Variants in RYR3 observed in about 807,000 individuals in gnomAD.
RYR3 encodes ryanodine receptor 3, also known as brain ryanodine receptor-calcium release channel.
A neutral mutation model predicts 584.3 loss-of-function variants in RYR3; 207 were observed. That is an observed-to-expected ratio of 0.35 (90% CI 0.32 to 0.40). The LOEUF (loss-of-function observed/expected upper bound fraction) is 0.40, where lower values mean the gene tolerates loss of function less well. Ranked by LOEUF, RYR3 falls within the 10% of genes least tolerant of loss-of-function variation. The pLI, the probability that RYR3 is intolerant of heterozygous loss-of-function variation, is 1.00. For synonymous variants in RYR3, 2,416 were observed against 2,248.5 expected (o/e 1.07, Z -2.11); for missense variants, 5,616 against 6,089.2 (o/e 0.92, Z 2.59).
intron 69 of RYR3, among the ~76,000 whole-genome samples, chr15:33,804,836 G>A (rs2076097777): frequency 1.3e-5 from 2 of 152,202 alleles, no homozygotes; most frequent in Admixed American, 1.3e-4. Context: ...TTCTGGTGTT[G>A]TAAAAATGAA....
intron 60 of RYR3, among the ~76,000 whole-genome samples, chr15:33,763,905 A>AAAAAAAAAAAAAAAC: frequency 7.5e-6 from 1 of 132,618 alleles, no homozygotes; most frequent in African/African-American, 3.1e-5. Context: ...AAAAAAAAAA[A>AAAAAAAAAAAAAAAC]AAAAAAAAAA....
At chr15:33,692,523 A>G (rs1292429694) in intron 38 of RYR3, among the ~76,000 whole-genome samples, 1 of 151,866 alleles carries the variant, frequency 6.6e-6, no homozygotes, top group Non-Finnish European at 1.5e-5. Flanking sequence ...TCCAGTACAT[A>G]TGGCTTTAAA....
chr15:33,358,269 T>G (rs1974261176), intron 1 of RYR3, among the ~76,000 whole-genome samples: 1 of 152,170 alleles, frequency 6.6e-6, no homozygotes, highest in Non-Finnish European at 1.5e-5. Context: ...CTTAGTGGGG[T>G]GCAGGGTCTG....
At chr15:33,854,244 C>A in intron 96 of RYR3, 145 bp from the exon 97 acceptor site, 1 of 650,854 alleles carries the variant, frequency 1.5e-6, no homozygotes, top group Non-Finnish European at 2.7e-6. Flanking sequence ...TCTCTTGTCT[C>A]ATGGGGAGCA....
At chr15:33,592,567 T>G (rs1376260125) in intron 16 of RYR3, among the ~76,000 whole-genome samples, 1 of 152,198 alleles carries the variant, frequency 6.6e-6, no homozygotes, top group African/African-American at 2.4e-5. Context: ...TTTAGTCCCC[T>G]ATACCTGCAA....
At chr15:33,758,220 C>T (rs754485674) in intron 60 of RYR3, among the ~76,000 whole-genome samples, 5 of 152,278 alleles carry the variant, frequency 3.3e-5, no homozygotes, top group Admixed American at 1.3e-4. Flanking sequence ...GGTGGCCGTT[C>T]GGGCAGACAC....
chr15:33,714,066 C>T (rs2067314850), intron 43 of RYR3, among the ~76,000 whole-genome samples: 1 of 151,966 alleles, frequency 6.6e-6, no homozygotes, highest in South Asian at 2.1e-4. Flanking sequence ...AATACCTTGC[C>T]CAGAGTCTCA....
At chr15:33,748,830 C>T (rs2071001822) in intron 55 of RYR3, among the ~76,000 whole-genome samples, 2 of 152,208 alleles carry the variant, frequency 1.3e-5, no homozygotes, top group African/African-American at 4.8e-5. Flanking sequence ...CCTAGGACTT[C>T]CCACAGATAC....
At chr15:33,809,603 C>T (rs1414149838) in intron 70 of RYR3, among the ~76,000 whole-genome samples, 4 of 125,436 alleles carry the variant, frequency 3.2e-5, no homozygotes, top group Non-Finnish European at 5.0e-5. Flanking sequence ...GCATTGGATT[C>T]CTCTCTCTCT....
Position 33,820,809 on chromosome 15 carries a change from C to T in RYR3, c.10812C>T (p.Phe3604=), listed in dbSNP as rs2288613. 777,158 of 1,579,428 alleles carry T rather than the reference C, an allele frequency of 0.49. 194,487 individuals are homozygous for T. The highest frequency in any genetic ancestry group is 0.52 in the Non-Finnish European group (606,348 of 1,162,540). ...AAGATGAAGACAAGGAAAAAACATT[C>T]GAAGTAAGTTCTCATGAAGAATAAA... The part of the protein sequence containing the change: ...EEEDEDKEKT[F]EEKEMEKQKT... The change falls in exon 78 of 104, where the codon TTC becomes TTT. Residue 3604 remains phenylalanine, a synonymous_variant. Coordinates refer to ENST00000634891, the MANE Select transcript of RYR3 (RefSeq NM_001036.6).
intron 1 of RYR3, among the ~76,000 whole-genome samples, chr15:33,378,274 T>C (rs1480942962): frequency 6.6e-6 from 1 of 152,168 alleles, no homozygotes; most frequent in Non-Finnish European, 1.5e-5. Context: ...CCACAGATCT[T>C]GGGGACTCTT....
At chr15:33,864,425 G>A (rs1250236664) in intron 103 of RYR3, among the ~76,000 whole-genome samples, 1 of 151,190 alleles carries the variant, frequency 6.6e-6, no homozygotes. Flanking sequence ...AGAGCTGGAG[G>A]TGGGGAGAAC....
intron 88 of RYR3, among the ~76,000 whole-genome samples, chr15:33,837,414 G>T (rs974080470): frequency 6.6e-6 from 1 of 152,108 alleles, no homozygotes; most frequent in Non-Finnish European, 1.5e-5. Flanking sequence ...CATGTTAAAG[G>T]CAGTGGTGTG....
At chr15:33,768,245 A>G (rs1447075667) in intron 60 of RYR3, among the ~76,000 whole-genome samples, 1 of 152,230 alleles carries the variant, frequency 6.6e-6, no homozygotes, top group Admixed American at 6.5e-5. Flanking sequence ...CCCTCAATGG[A>G]AGGCTACAAA....
At chr15:33,824,733 G>A (rs559935903) in intron 81 of RYR3, among the ~76,000 whole-genome samples, 231 of 152,284 alleles carry the variant, frequency 1.5e-3, no homozygotes, top group African/African-American at 5.2e-3. Flanking sequence ...CCTTTGCCCC[G>A]TGGTAGAAGG....
chr15:33,460,675 T>C (rs1567286039), intron 1 of RYR3, among the ~76,000 whole-genome samples: 1 of 152,204 alleles, frequency 6.6e-6, no homozygotes. Context: ...GCCGTCTTGC[T>C]CTGAGCAGTG....
chr15:33,755,138 C>T lies in RYR3; in HGVS notation c.8473C>T (p.Leu2825=), dbSNP rs1280063834. 6.2e-7 allele frequency: 1 copy of T among 1,612,756 alleles called. No individual in the cohort carries two copies. Among genetic ancestry groups the T allele is most frequent in the East Asian group, 2.2e-5 (1 of 44,854 alleles). The change falls in exon 58 of 104, where the codon CTG becomes TTG. Residue 2825 remains leucine (L), a synonymous_variant. Transcript: ENST00000634891. ...TGCCTATAAGTTCTTGAAGAAGATC[C>T]TGAAATACGTTGATTCTGCTCAAGA... is the stretch of plus-strand genomic sequence containing the variant. ...RFAYKFLKKI[L]KYVDSAQEFI... is the part of the protein sequence containing the mutation.
chr15:33,838,359 G>A lies in RYR3; in HGVS notation c.12379G>A (p.Ala4127Thr). Residue 4127 changes from alanine (A) to threonine (T), a missense_variant, in exon 89 of 104, where the codon GCG becomes ACG. Ala to Thr is a moderately conservative substitution (Grantham distance 58). Coordinates refer to ENST00000634891, the MANE Select transcript of RYR3 (RefSeq NM_001036.6). ...AGATTCTTCTTACGTGTTAGAAATT[G>A]CGGGTGAAGAGGAAGAAGACGGGTC... ...DEDSSYVLEI[A>T]GEEEEDGSLE... 6.2e-7 allele frequency: 1 copy of A among 1,614,002 alleles called. No homozygotes were observed. Among genetic ancestry groups the A allele is most frequent in the Non-Finnish European group, 8.5e-7 (1 of 1,179,896 alleles).
intron 1 of RYR3, among the ~76,000 whole-genome samples, chr15:33,336,403 G>A: frequency 6.8e-6 from 1 of 146,138 alleles, no homozygotes; most frequent in Non-Finnish European, 1.5e-5. Context: ...TCCAGCCTGG[G>A]CGACAGAGCG....
Sources: allele counts gnomAD v4.1 joint callset (sites outside exome capture counted in the v4.1 genomes callset), GRCh38; gene constraint gnomAD v4.1.1; transcripts MANE v1.5; gene names NCBI Gene and HGNC (gene_info 2026-07-23, HGNC 2026-07-21).